The following TRPM6 variants were observed in gnomAD, a reference collection of about 807,000 sequenced individuals.
TRPM6 encodes the protein channel kinase 2.
TRPM6 carries 111 observed loss-of-function variants against 247.6 expected under a neutral mutation model. The observed-to-expected ratio is 0.45, with a 90% CI of 0.38 to 0.52. TRPM6 has a LOEUF of 0.52. Among genes scored for constraint, TRPM6 ranks in the 20% least tolerant of loss-of-function variants. TRPM6 has a pLI of 0.00. For synonymous variants in TRPM6, 892 were observed against 853.8 expected, an observed-to-expected ratio of 1.04 and a Z score of -0.78; for missense variants, 2,126 against 2,421.5, an observed-to-expected ratio of 0.88 and a Z score of 2.56.
rs1327117663 is a variant in TRPM6, at chr9:74,810,806, T to G, written c.1497+9A>C. ...CAAAGACATGTTCACGCCTTCTTAATTAGGTTACCTGTTTCACATCTTGGA... is the reference window on the plus strand; with the variant it reads ...CAAAGACATGTTCACGCCTTCTTAAGTAGGTTACCTGTTTCACATCTTGGA... On this transcript the variant is annotated intron_variant, in intron 13 of 38. Transcript: ENST00000360774. 4 of 1,613,024 alleles carry G rather than the reference T, an allele frequency of 2.5e-6. No individual in the cohort carries two copies. The Admixed American group carries it at 6.7e-5, about 27-fold the overall frequency.
chr9:74,854,389 C>T (rs1292140608), intron 3 of TRPM6, among the ~76,000 whole-genome samples: 1 of 152,046 alleles, frequency 6.6e-6, no homozygotes, highest in Non-Finnish European at 1.5e-5. Context: ...TTATTATATT[C>T]TTATTTTGCT....
chr9:74,829,497 T>C (rs1829471159), intron 6 of TRPM6, among the ~76,000 whole-genome samples: 3 of 152,182 alleles, frequency 2.0e-5, no homozygotes, highest in African/African-American at 7.2e-5. Context: ...TAACCTTAAC[T>C]CTGAGTAATT....
intron 21 of TRPM6, among the ~76,000 whole-genome samples, chr9:74,783,887 G>A (rs1055523716): frequency 6.6e-5 from 10 of 152,078 alleles, no homozygotes; most frequent in Non-Finnish European, 1.0e-4. Flanking sequence ...AAGTATCCTA[G>A]AAGGAAAAGC....
intron 23 of TRPM6, among the ~76,000 whole-genome samples, chr9:74,781,016 G>A (rs1827421900): frequency 6.6e-6 from 1 of 152,150 alleles, no homozygotes; most frequent in Non-Finnish European, 1.5e-5. Context: ...ATTTCTAACT[G>A]GTGAAGGAAG....
chr9:74,790,694 C>G (rs758379030), intron 19 of TRPM6, among the ~76,000 whole-genome samples: 1 of 152,148 alleles, frequency 6.6e-6, no homozygotes, highest in Non-Finnish European at 1.5e-5. Context: ...ATTGAATGAC[C>G]TGAATCTTAG....
chr9:74,796,646 T>C, intron 18 of TRPM6, 95 bp downstream of exon 18: 2 of 1,318,948 alleles, frequency 1.5e-6, no homozygotes, highest in Non-Finnish European at 2.2e-6. Flanking sequence ...ATAACTTTTG[T>C]TTAATAGATG....
At chr9:74,770,425 T>C (rs1039812192) in intron 25 of TRPM6, among the ~76,000 whole-genome samples, 8 of 152,216 alleles carry the variant, frequency 5.3e-5, no homozygotes, top group African/African-American at 1.9e-4. Flanking sequence ...TCATCACATA[T>C]AGCCTTCCAT....
intron 1 of TRPM6, among the ~76,000 whole-genome samples, chr9:74,883,915 C>T (rs977301245): frequency 3.3e-5 from 5 of 151,970 alleles, no homozygotes; most frequent in African/African-American, 9.7e-5. Flanking sequence ...TTTGGAAGGC[C>T]GAGGTGGGTG....
intron 15 of TRPM6, among the ~76,000 whole-genome samples, chr9:74,802,632 T>A (rs896096006): frequency 6.6e-6 from 1 of 151,980 alleles, no homozygotes; most frequent in African/African-American, 2.4e-5. Flanking sequence ...TACATGGGAG[T>A]GATGTATTTT....
chr9:74,837,748 C>CT (rs3056761), intron 5 of TRPM6, among the ~76,000 whole-genome samples: 17 of 137,384 alleles, frequency 1.2e-4, no homozygotes, highest in South Asian at 2.3e-4. Context: ...GCCCGGCCCC[C>CT]TTTTTTTTTT....
Position 74,802,150 on chromosome 9 carries a change from G to A in TRPM6, c.1757C>T (p.Ser586Leu). 1.2e-6 allele frequency: 2 copies of A among 1,613,828 alleles called. No homozygotes were observed. The highest frequency in any genetic ancestry group is 1.7e-6 in the Non-Finnish European group (2 of 1,179,776). ...ATTTTGTTCTTTTGACTTCTTCCTT[G>A]ATTTATGAAGGACTATAGACTTTTC... ...FKEKSIVLHK[S>L]RKKSKEQNVS... The change falls in exon 16 of 39, where the codon TCA (serine) becomes TTA (leucine). Residue 586 changes from serine (S) to leucine (L), a missense_variant. Coordinates refer to ENST00000360774, the MANE Select transcript of TRPM6 (RefSeq NM_017662.5).
chr9:74,742,433 T>C, intron 33 of TRPM6, 128 bp downstream of exon 33: 1 of 848,294 alleles, frequency 1.2e-6, no homozygotes, highest in South Asian at 1.5e-5. Flanking sequence ...GAAATGAATC[T>C]CACTAAACTA....
intron 19 of TRPM6, among the ~76,000 whole-genome samples, chr9:74,790,608 C>A (rs893712109): frequency 6.6e-6 from 1 of 152,156 alleles, no homozygotes; most frequent in African/African-American, 2.4e-5. Context: ...TGTTTGGCAA[C>A]GTCTTCTTCT....
In TRPM6 at chr9:74,848,014, T is replaced by C. The variant is rs184344747; in HGVS notation, c.153-5671A>G. Among the ~76,000 whole-genome samples the C allele has an allele frequency of 2.0e-5, 3 of 152,300 alleles. No individual in the cohort carries two copies. In the East Asian group the frequency reaches 5.8e-4, roughly 29 times the overall value. ...TCCACCCACAAATGCAACGACTGTT[T>C]CATTTTAACTAAGCATTTATCAAAA... On this transcript the variant is annotated intron_variant, in intron 3 of 38. Coordinates refer to ENST00000360774, the MANE Select transcript of TRPM6 (RefSeq NM_017662.5).
rs116663648 is a variant in TRPM6, at chr9:74,803,163, A to G, written c.1731+631T>C. On this transcript the variant is annotated intron_variant, in intron 15 of 38. Coordinates refer to ENST00000360774, the MANE Select transcript of TRPM6 (RefSeq NM_017662.5). ...TTTTATAAAATACCTCTTTCATACCAGGAGCTATGGAAAGCAAACCTCTTT... is the reference window on the plus strand; with the variant it reads ...TTTTATAAAATACCTCTTTCATACCGGGAGCTATGGAAAGCAAACCTCTTT... 9.3e-3 allele frequency among the ~76,000 whole-genome samples: 1,419 copies of G among 152,320 alleles called. 15 individuals carry two copies. Among genetic ancestry groups the G allele is most frequent in the African/African-American group, 0.028 (1,184 of 41,570 alleles).
Position 74,762,048 on chromosome 9 carries a change from A to T in TRPM6, c.4623T>A (p.Ser1541Arg). The change falls in exon 26 of 39, where the codon AGT (serine) becomes AGA (arginine). Residue 1541 changes from serine (S) to arginine (R), a missense_variant. Transcript: ENST00000360774. ...RRYRPFARSH[S>R]FRFHKEEKLM... ...ATTTCTCCTCCTTATGGAATCTAAA[A>T]CTATGACTCCTAGCGAAGGGCCTGT... The T allele has an allele frequency of 2.5e-6, 4 of 1,614,210 alleles. No homozygotes were observed. The highest frequency in any genetic ancestry group is 3.4e-6 in the Non-Finnish European group (4 of 1,180,026).
chr9:74,887,831 C>A lies in TRPM6; in HGVS notation c.26G>T (p.Arg9Leu), dbSNP rs753837323. The A allele has an allele frequency of 1.2e-6, 2 of 1,614,130 alleles. No homozygotes were observed. The highest frequency in any genetic ancestry group is 1.7e-6 in the Non-Finnish European group (2 of 1,180,032). The stretch of plus-strand genomic sequence containing the variant: ...CGAGCAGCCTGAGCTTACCTGCAAG[C>A]GCTCCAAGACAGGTTGTTCTTTCAT... MKEQPVLERLQSQKSWIKG... is the reference protein window; with the variant it reads MKEQPVLELLQSQKSWIKG... Residue 9 changes from arginine (R) to leucine (L), a missense_variant, in exon 1 of 39, where the codon CGC becomes CTC. Physicochemically the swap from Arg to Leu is moderately radical, Grantham distance 102 (BLOSUM62 -2). Around this residue, in one of 3 missense-constraint regions of TRPM6, gnomAD observed 1,082 missense variants for 1,307.9 expected, o/e 0.83. Coordinates refer to ENST00000360774, the MANE Select transcript of TRPM6 (RefSeq NM_017662.5).
intron 16 of TRPM6, among the ~76,000 whole-genome samples, chr9:74,801,527 G>C (rs1828338454): frequency 6.6e-6 from 1 of 151,980 alleles, no homozygotes; most frequent in Non-Finnish European, 1.5e-5. Flanking sequence ...TCCCACCTGA[G>C]AGATACTTAA....
rs536366013 is a variant in TRPM6, at chr9:74,727,921, T to G, written c.5935+318A>C. On this transcript the variant is annotated intron_variant, in intron 38 of 38. Transcript: ENST00000360774. ...ATCCGCAGCTGGCAGGACCCAAATG[T>G]GGGGGGTGGGGCGGGGGCAAAGACC... Among the ~76,000 whole-genome samples, 4 of 151,394 alleles carry G rather than the reference T, an allele frequency of 2.6e-5. No individual in the cohort carries two copies. The East Asian group carries it at 7.9e-4, about 30-fold the overall frequency.
Sources: gnomAD v4.1 joint callset for allele counts (sites outside exome capture counted in the v4.1 genomes callset) on GRCh38, gnomAD v4.1.1 for gene constraint, gnomAD v4.1.1 regional missense constraint, MANE v1.5 for transcripts, NCBI Gene and HGNC (gene_info 2026-07-23, HGNC 2026-07-21) for gene names.